The following SHROOM4 variants were observed in gnomAD, a reference collection of about 807,000 sequenced individuals.
SHROOM4 encodes the protein shroom family member 4.
SHROOM4 carries 17 observed loss-of-function variants against 80.3 expected under a neutral mutation model. The observed-to-expected ratio is 0.21, with a 90% confidence interval of 0.14 to 0.32. SHROOM4 has a LOEUF of 0.32. Among genes scored for constraint, SHROOM4 ranks in the 10% least tolerant of loss-of-function variants. SHROOM4 has a pLI of 1.00. For missense variants in SHROOM4, 993 were observed against 1,140.3 expected (o/e 0.87, Z 1.86); for synonymous variants, 400 against 437.5 (o/e 0.91, Z 1.07).
intron 2 of SHROOM4, among the ~76,000 whole-genome samples, chrX:50,659,213 T>C (rs1220876752): frequency 9.0e-6 from 1 of 111,672 alleles, no homozygotes; most frequent in Admixed American, 9.5e-5. Context: ...ACATGGAGAA[T>C]AGTAAAATCA....
In SHROOM4 at chrX:50,635,708, T is replaced by C. The variant is rs782593120; in HGVS notation, c.405-40A>G. 58 of 1,157,080 alleles carry C rather than the reference T, an allele frequency of 5.0e-5. No homozygotes were observed. In the Admixed American group the frequency reaches 1.0e-3, roughly 20 times the overall value. On this transcript the variant is annotated intron_variant, in intron 3 of 8. Coordinates refer to ENST00000376020, the MANE Select transcript of SHROOM4 (RefSeq NM_020717.5). ...GCATACTGGTTAGTTAGCGAAGTCA[T>C]GGCCAGCCCTACTATAGGAGAGGGC...
At chrX:50,609,344 A>C (rs1557249364) in intron 5 of SHROOM4, among the ~76,000 whole-genome samples, 3 of 111,732 alleles carry the variant, frequency 2.7e-5, no homozygotes, top group Non-Finnish European at 5.6e-5. Context: ...GAATTTTTAG[A>C]AAATTAACTT....
intron 1 of SHROOM4, among the ~76,000 whole-genome samples, chrX:50,733,417 T>C (rs782043128): frequency 1.1e-3 from 119 of 111,711 alleles, no homozygotes; most frequent in Non-Finnish European, 1.8e-3. Context: ...CCCTTATGAA[T>C]AAATTAATGC....
intron 1 of SHROOM4, among the ~76,000 whole-genome samples, chrX:50,758,834 A>G (rs946494729): frequency 1.6e-4 from 18 of 111,861 alleles, no homozygotes; most frequent in African/African-American, 5.8e-4. Context: ...TACTAATTCA[A>G]TCTTCATACT....
At chrX:50,776,204 C>T (rs2147663918) in intron 1 of SHROOM4, among the ~76,000 whole-genome samples, 1 of 111,826 alleles carries the variant, frequency 8.9e-6, no homozygotes, top group South Asian at 3.8e-4. Context: ...CAGAGAAAAG[C>T]TGCTTTCCTG....
intron 1 of SHROOM4, among the ~76,000 whole-genome samples, chrX:50,761,008 TAA>T (rs1420186893): frequency 5.3e-5 from 6 of 112,223 alleles, no homozygotes; most frequent in African/African-American, 1.6e-4. Flanking sequence ...TGTAGCATTT[TAA>T]TTTCTTTATT....
At chrX:50,611,921 C>CT (rs1930013988) in intron 5 of SHROOM4, among the ~76,000 whole-genome samples, 1 of 110,759 alleles carries the variant, frequency 9.0e-6, no homozygotes, top group South Asian at 3.9e-4. Flanking sequence ...GGGTGAGACT[C>CT]TGTCTCAAGA....
At chrX:50,749,021 G>A (rs1295314083) in intron 1 of SHROOM4, among the ~76,000 whole-genome samples, 1 of 111,735 alleles carries the variant, frequency 8.9e-6, no homozygotes, top group East Asian at 2.8e-4. Flanking sequence ...GACCAGCCCG[G>A]GCAACATGGT....
intron 8 of SHROOM4, among the ~76,000 whole-genome samples, chrX:50,597,317 T>C (rs782051396): frequency 8.9e-6 from 1 of 111,796 alleles, no homozygotes; most frequent in South Asian, 3.8e-4. Context: ...ACTGTGGAGG[T>C]GCTTTCTGTA....
At chrX:50,737,955 C>A (rs1188323014) in intron 1 of SHROOM4, among the ~76,000 whole-genome samples, 1 of 111,570 alleles carries the variant, frequency 9.0e-6, no homozygotes, top group South Asian at 3.8e-4. Context: ...CCGAATCCAG[C>A]AGCACATCAA....
rs1557255609 is a variant in SHROOM4, at chrX:50,635,145, T to G, written c.928A>C (p.Lys310Gln). Reference protein sequence around the residue: ...EPVVPLPQKEKLSLEPVLPAR... With the variant: ...EPVVPLPQKEQLSLEPVLPAR... ...GGTAGCACAGGCTCTAAGCTCAGTT[T>G]CTCCTTCTGTGGCAAGGGGACCACA... The change falls in exon 4 of 9, where the codon AAA becomes CAA. Residue 310 changes from lysine (K) to glutamine (Q), a missense_variant. Physicochemically the swap from Lys to Gln is moderately conservative, Grantham distance 53. Coordinates refer to ENST00000376020, the MANE Select transcript of SHROOM4 (RefSeq NM_020717.5). 2 of 1,209,658 alleles carry G rather than the reference T, an allele frequency of 1.7e-6. No homozygotes were observed. The highest frequency in any genetic ancestry group is 1.1e-6 in the Non-Finnish European group (1 of 894,429).
At chrX:50,684,651 G>C (rs1010007156) in intron 2 of SHROOM4, among the ~76,000 whole-genome samples, 2 of 111,797 alleles carry the variant, frequency 1.8e-5, no homozygotes, top group African/African-American at 6.5e-5. Flanking sequence ...TGGGAGACTT[G>C]AGCTGGTTTG....
At chrX:50,580,455 T>C in the SHROOM4 span, among the ~76,000 whole-genome samples, 3 of 112,386 alleles carry the variant, frequency 2.7e-5, no homozygotes, top group Non-Finnish European at 5.6e-5. Context: ...GAATTAGAGT[T>C]TGAACACAAA....
At chrX:50,665,817 C>T (rs782499403) in intron 2 of SHROOM4, among the ~76,000 whole-genome samples, 2 of 111,702 alleles carry the variant, frequency 1.8e-5, no homozygotes, top group Non-Finnish European at 3.8e-5. Flanking sequence ...ACAGAACTAA[C>T]ATTTACGGAG....
rs1936410943 is a variant in SHROOM4, at chrX:50,814,138, G to T, written c.-120C>A. ...ACGCCACCCCGCACCGCCCTGCTCC[G>T]CCTACTCTCCCGGCTGGAGACGCTC... On this transcript the variant is annotated 5_prime_UTR_variant, in exon 1 of 9. Transcript: ENST00000376020. The T allele has an allele frequency of 1.9e-6, 1 of 517,447 alleles. No individual in the cohort carries two copies. Among genetic ancestry groups the T allele is most frequent in the East Asian group, 3.7e-5 (1 of 27,248 alleles). The allele number at this position is 517,447 out of a possible 1,213,427, so 42.6% of individuals were successfully genotyped here.
intron 1 of SHROOM4, among the ~76,000 whole-genome samples, chrX:50,804,406 T>G: frequency 8.9e-6 from 1 of 111,988 alleles, no homozygotes; most frequent in East Asian, 2.8e-4. Context: ...CTCTGAGGAA[T>G]AGATACTCAT....
Position 50,635,167 on chromosome X carries a change from C to CTG in SHROOM4, c.905_906insCA (p.Val303ArgfsTer10). On this transcript the variant is annotated frameshift_variant, in exon 4 of 9. Coordinates refer to ENST00000376020, the MANE Select transcript of SHROOM4 (RefSeq NM_020717.5). LOFTEE classifies it high-confidence loss of function. ...GTTTCTCCTTCTGTGGCAAGGGGAC[C>CTG]ACAGGCTCAGATGCCCTGCGCTGCT... 8.3e-7 allele frequency: 1 copy of CTG among 1,207,641 alleles called. No individual in the cohort carries two copies. The highest frequency in any genetic ancestry group is 1.1e-6 in the Non-Finnish European group (1 of 893,233).
intron 2 of SHROOM4, among the ~76,000 whole-genome samples, chrX:50,671,434 T>C (rs1470632917): frequency 8.9e-6 from 1 of 112,286 alleles, no homozygotes; most frequent in African/African-American, 3.2e-5. Context: ...ATTAAAAATC[T>C]GTTGTTCAGT....
At chrX:50,813,155 G>A (rs868935273) in intron 1 of SHROOM4, among the ~76,000 whole-genome samples, 1 of 83,037 alleles carries the variant, frequency 1.2e-5, no homozygotes, top group African/African-American at 4.0e-5. Flanking sequence ...CGGCGGCGGC[G>A]GCAGTGGCGG....
Sources: gnomAD v4.1 joint callset for allele counts (sites outside exome capture counted in the v4.1 genomes callset) on GRCh38, gnomAD v4.1.1 for gene constraint, MANE v1.5 for transcripts, NCBI Gene and HGNC (gene_info 2026-07-23, HGNC 2026-07-21) for gene names.